Variants in TNFRSF8 observed in about 807,000 individuals in gnomAD.
TNFRSF8 encodes the protein tumor necrosis factor receptor superfamily member 8.
In TNFRSF8, 26 loss-of-function variants were observed where a neutral mutation model predicts 70.8. The observed-to-expected ratio is 0.37, with a 90% CI of 0.27 to 0.51. TNFRSF8 has a LOEUF of 0.51. Ranked by LOEUF, TNFRSF8 falls within the 20% of genes least tolerant of loss-of-function variation. The pLI is 0.94. For missense variants in TNFRSF8, 720 were observed against 807.9 expected (o/e 0.89, Z 1.32); for synonymous variants, 356 against 339.2 (o/e 1.05, Z -0.54).
chr1:12,071,608 CTT>C (rs887690280), intron 1 of TNFRSF8, among the ~76,000 whole-genome samples: 1 of 149,328 alleles, frequency 6.7e-6, no homozygotes, highest in Admixed American at 6.7e-5. Context: ...TCCTCTCTCT[CTT>C]TTTTTTTTGA....
chr1:12,134,298 T>A (rs1249466927), intron 12 of TNFRSF8, among the ~76,000 whole-genome samples: 1 of 152,148 alleles, frequency 6.6e-6, no homozygotes, highest in Non-Finnish European at 1.5e-5. Context: ...CAACAGCATA[T>A]TCCAGATCTC....
intron 1 of TNFRSF8, among the ~76,000 whole-genome samples, chr1:12,065,244 G>A (rs982016185): frequency 1.3e-5 from 2 of 151,540 alleles, no homozygotes; most frequent in South Asian, 2.1e-4. Context: ...CACCACACCC[G>A]GCTAATTTTT....
chr1:12,114,630 T>C (rs2101011851), intron 7 of TNFRSF8, among the ~76,000 whole-genome samples: 1 of 151,634 alleles, frequency 6.6e-6, no homozygotes, highest in East Asian at 1.9e-4. Flanking sequence ...ACAAATGCAT[T>C]ATTACACTTA....
chr1:12,076,327 C>T (rs188879672), intron 1 of TNFRSF8, among the ~76,000 whole-genome samples: 95 of 152,074 alleles, frequency 6.2e-4, no homozygotes, highest in African/African-American at 2.0e-3. Context: ...CTCAAACTCC[C>T]GACCTCAGGT....
chr1:12,126,737 C>A (rs11569918), intron 12 of TNFRSF8, among the ~76,000 whole-genome samples: 1,609 of 152,332 alleles, frequency 0.011, 31 homozygotes, highest in African/African-American at 0.037. Flanking sequence ...AGCTGTGTGA[C>A]CCTGGGTGAG....
At chr1:12,082,293 C>G (rs901844657) in intron 1 of TNFRSF8, among the ~76,000 whole-genome samples, 2 of 152,186 alleles carry the variant, frequency 1.3e-5, no homozygotes, top group Non-Finnish European at 2.9e-5. Flanking sequence ...CGCCTGTAAT[C>G]CCAGCATTGT....
At chr1:12,072,755 C>A (rs1467226404) in intron 1 of TNFRSF8, among the ~76,000 whole-genome samples, 1 of 152,174 alleles carries the variant, frequency 6.6e-6, no homozygotes, top group Non-Finnish European at 1.5e-5. Context: ...AGAGTGCGTG[C>A]ACAGATAATG....
chr1:12,122,583 G>T (rs1641849338), intron 8 of TNFRSF8, among the ~76,000 whole-genome samples: 1 of 151,882 alleles, frequency 6.6e-6, no homozygotes. Context: ...GGAGGCAGAA[G>T]TTGCAATGAG....
chr1:12,095,350 C>T (rs1219538888), intron 2 of TNFRSF8, among the ~76,000 whole-genome samples: 5 of 151,338 alleles, frequency 3.3e-5, no homozygotes, highest in Non-Finnish European at 7.4e-5. Flanking sequence ...TGCAATGGCA[C>T]GATCTCGGCT....
chr1:12,142,163 T>C lies in TNFRSF8; in HGVS notation c.1544-124T>C. On this transcript the variant is annotated intron_variant, in intron 14 of 14. Coordinates refer to ENST00000263932, the MANE Select transcript of TNFRSF8 (RefSeq NM_001243.5). This position sits in a 1 kb window ranked among gnomAD's most constrained non-coding sequence, Gnocchi z 5.0. The stretch of plus-strand genomic sequence containing the variant: ...CCTGTAAGGTACATCAGAGAGGCTG[T>C]GCCATCAGCCTGAAGCCACCCGGCA... 1 of 1,303,590 alleles carries C rather than the reference T, an allele frequency of 7.7e-7. No homozygotes were observed. Among genetic ancestry groups the C allele is most frequent in the East Asian group, 2.5e-5 (1 of 39,280 alleles). The allele number at this position is 1,303,590 out of a possible 1,614,324, so 80.8% of individuals were successfully genotyped here.
intron 12 of TNFRSF8, among the ~76,000 whole-genome samples, chr1:12,127,712 A>G (rs771817318): frequency 6.6e-6 from 1 of 152,112 alleles, no homozygotes; most frequent in Non-Finnish European, 1.5e-5. Flanking sequence ...GCCTGTTTCC[A>G]TGACCTGTCA....
intron 12 of TNFRSF8, among the ~76,000 whole-genome samples, chr1:12,130,106 C>T (rs182086886): frequency 1.3e-5 from 2 of 152,288 alleles, no homozygotes; most frequent in East Asian, 1.9e-4. Context: ...CAGAGTTTCA[C>T]CATGTTGGCC....
rs146787215 is a variant in TNFRSF8, at chr1:12,084,475, C to T, written c.75C>T (p.Phe25=). ...ALRAFPQDRP[F]EDTCHGNPSH... is the part of the protein sequence containing the mutation. ...TTCTGACCTGCCAGGATCGACCCTT[C>T]GAGGACACCTGTCATGGAAACCCCA... The change falls in exon 2 of 15, where the codon TTC becomes TTT. Residue 25 remains phenylalanine (F), a synonymous_variant. Transcript: ENST00000263932. The T allele has an allele frequency of 1.2e-5, 20 of 1,613,862 alleles. No individual in the cohort carries two copies. The highest frequency in any genetic ancestry group is 8.8e-5 in the South Asian group (8 of 91,078).
intron 12 of TNFRSF8, among the ~76,000 whole-genome samples, chr1:12,133,014 A>G (rs905073074): frequency 6.6e-6 from 1 of 152,144 alleles, no homozygotes; most frequent in South Asian, 2.1e-4. Context: ...TTCACCGCCA[A>G]GGAGGCCCCT....
chr1:12,090,043 C>T (rs1477879554), intron 2 of TNFRSF8, among the ~76,000 whole-genome samples: 2 of 147,836 alleles, frequency 1.4e-5, no homozygotes, highest in African/African-American at 2.6e-5. Context: ...ATCCATCTAT[C>T]TACCCATCCA....
At chr1:12,116,671 G>A (rs1235779624) in intron 8 of TNFRSF8, among the ~76,000 whole-genome samples, 2 of 152,098 alleles carry the variant, frequency 1.3e-5, no homozygotes, top group Admixed American at 6.5e-5. Flanking sequence ...TGTGGTGGTG[G>A]GCACCGTAGT....
At chr1:12,079,928 T>G (rs567314633) in intron 1 of TNFRSF8, among the ~76,000 whole-genome samples, 1 of 150,142 alleles carries the variant, frequency 6.7e-6, no homozygotes, top group African/African-American at 2.4e-5. Context: ...TTTTTATCAC[T>G]ACTTTATTTT....
At position 12,126,171 on chromosome 1, in the gene TNFRSF8, G is replaced by C; in HGVS notation, c.1256-12G>C. The C allele has an allele frequency of 6.2e-7, 1 of 1,614,104 alleles. No homozygotes were observed. Among genetic ancestry groups the C allele is most frequent in the Non-Finnish European group, 8.5e-7 (1 of 1,180,014 alleles). The stretch of plus-strand genomic sequence containing the variant: ...GCCGCCACCCCCAGCCTTCCTCCTG[G>C]TGTCGTTTCAGAGCTCCACCTGTGC... On this transcript the variant is annotated splice_polypyrimidine_tract_variant and intron_variant, in intron 11 of 14. Coordinates refer to ENST00000263932, the MANE Select transcript of TNFRSF8 (RefSeq NM_001243.5).
intron 4 of TNFRSF8, among the ~76,000 whole-genome samples, chr1:12,107,031 C>T (rs1464137480): frequency 2.0e-5 from 3 of 152,238 alleles, no homozygotes; most frequent in Non-Finnish European, 4.4e-5. Context: ...AGAGGCCTCC[C>T]TTTGCTGCCC....
Sources: gnomAD v4.1 joint callset for allele counts (sites outside exome capture counted in the v4.1 genomes callset) on GRCh38, gnomAD v4.1.1 for gene constraint, Gnocchi (gnomAD v3.1) non-coding constraint, MANE v1.5 for transcripts, NCBI Gene and HGNC (gene_info 2026-07-23, HGNC 2026-07-21) for gene names.